Variants in KHDRBS3 observed in about 807,000 individuals in gnomAD.
KHDRBS3 encodes KH domain-containing, RNA-binding, signal transduction-associated protein 3.
A neutral mutation model predicts 45.6 loss-of-function variants in KHDRBS3; 23 were observed. The observed-to-expected ratio is 0.50, with a 90% CI of 0.36 to 0.72. The LOEUF (loss-of-function observed/expected upper bound fraction) is 0.72. Among genes scored for constraint, KHDRBS3 ranks in the 30% least tolerant of loss-of-function variants. KHDRBS3 has a pLI of 0.00. For missense variants in KHDRBS3, 352 were observed against 424.8 expected (o/e 0.83, Z 1.51); for synonymous variants, 162 against 156.5 (o/e 1.04, Z -0.26).
chr8:135,565,225 A>G (rs1470853546), intron 5 of KHDRBS3, among the ~76,000 whole-genome samples: 2 of 152,142 alleles, frequency 1.3e-5, no homozygotes, highest in African/African-American at 2.4e-5. Context: ...AAGCAAGAAC[A>G]TGATTTGATA....
chr8:135,576,206 G>C (rs1179770249), intron 5 of KHDRBS3, among the ~76,000 whole-genome samples: 1 of 152,168 alleles, frequency 6.6e-6, no homozygotes, highest in Non-Finnish European at 1.5e-5. Context: ...TAACGTAGCT[G>C]AGGTCATGCT....
At chr8:135,548,498 T>A (rs929425066) in intron 3 of KHDRBS3, among the ~76,000 whole-genome samples, 9 of 152,068 alleles carry the variant, frequency 5.9e-5, no homozygotes, top group Non-Finnish European at 1.2e-4. Context: ...ATGATGGGGC[T>A]CCTACAAGTC....
intron 5 of KHDRBS3, among the ~76,000 whole-genome samples, chr8:135,570,096 A>G (rs1239491117): frequency 6.6e-6 from 1 of 152,222 alleles, no homozygotes; most frequent in African/African-American, 2.4e-5. Flanking sequence ...TATGTAGACT[A>G]GAAGGCAGAA....
At chr8:135,458,078 G>T in intron 1 of KHDRBS3, 124 bp downstream of exon 1, 1 of 1,397,862 alleles carries the variant, frequency 7.2e-7, no homozygotes, top group Non-Finnish European at 9.3e-7. Context: ...AGGCCCGGGT[G>T]GCCCCCGGGG....
intron 4 of KHDRBS3, among the ~76,000 whole-genome samples, chr8:135,653,262 T>C (rs1831466185): frequency 6.6e-6 from 1 of 152,166 alleles, no homozygotes; most frequent in Non-Finnish European, 1.5e-5. Context: ...AAGAACCATG[T>C]CTTATTGGAC....
chr8:135,577,230 T>C (rs1179908553), intron 5 of KHDRBS3, among the ~76,000 whole-genome samples: 2 of 152,196 alleles, frequency 1.3e-5, no homozygotes, highest in Admixed American at 1.3e-4. Context: ...ACATTCAGCA[T>C]TGCATCCTGA....
chr8:135,478,252 A>G (rs1418676681), intron 1 of KHDRBS3, among the ~76,000 whole-genome samples: 1 of 152,226 alleles, frequency 6.6e-6, no homozygotes, highest in Admixed American at 6.5e-5. Flanking sequence ...TGGCCTCCAG[A>G]ACTGTAAGAT....
intron 1 of KHDRBS3, among the ~76,000 whole-genome samples, chr8:135,492,122 G>A (rs1407125128): frequency 6.6e-6 from 1 of 152,024 alleles, no homozygotes; most frequent in Non-Finnish European, 1.5e-5. Context: ...CTCAAGGAAG[G>A]TATCAAATAG....
chr8:135,531,549 A>G (rs1318193592), intron 2 of KHDRBS3, among the ~76,000 whole-genome samples: 1 of 152,152 alleles, frequency 6.6e-6, no homozygotes, highest in African/African-American at 2.4e-5. Context: ...TGTGGGTCCT[A>G]CTTGCTCTCA....
chr8:135,486,943 T>C (rs1275431759), intron 1 of KHDRBS3, among the ~76,000 whole-genome samples: 1 of 152,206 alleles, frequency 6.6e-6, no homozygotes, highest in Non-Finnish European at 1.5e-5. Flanking sequence ...AGAGGATGGT[T>C]TGAGCTAATG....
chr8:135,471,910 C>A (rs540618863), intron 1 of KHDRBS3, among the ~76,000 whole-genome samples: 13 of 152,140 alleles, frequency 8.5e-5, no homozygotes, highest in Admixed American at 7.2e-4. Flanking sequence ...AGTTCTTTCT[C>A]CAATGAGAAT....
In KHDRBS3 at chr8:135,637,481, C is replaced by T. The variant is rs117608067; in HGVS notation, c.891-7578C>T. 2.9e-4 allele frequency among the ~76,000 whole-genome samples: 44 copies of T among 152,080 alleles called. No homozygotes were observed. In the East Asian group the frequency reaches 8.1e-3, roughly 28 times the overall value. On this transcript the variant is annotated intron_variant, in intron 7 of 8. Coordinates refer to ENST00000355849, the MANE Select transcript of KHDRBS3 (RefSeq NM_006558.3). ...GCTGAAGTCTTAAATTTTATCATGACGATTACAGATAAGATTTTCCTTAAA... is the reference window on the plus strand; with the variant it reads ...GCTGAAGTCTTAAATTTTATCATGATGATTACAGATAAGATTTTCCTTAAA...
intron 1 of KHDRBS3, among the ~76,000 whole-genome samples, chr8:135,487,699 A>G (rs1006386110): frequency 3.9e-5 from 6 of 152,198 alleles, no homozygotes; most frequent in African/African-American, 1.4e-4. Context: ...AATAGCACAT[A>G]CAAAGTCCTG....
intron 1 of KHDRBS3, among the ~76,000 whole-genome samples, chr8:135,460,564 C>A (rs567149424): frequency 2.6e-5 from 4 of 152,320 alleles, no homozygotes; most frequent in Admixed American, 6.5e-5. Context: ...GAATGAAATA[C>A]TTCTCACTTG....
At chr8:135,536,260 T>TA (rs1825749754) in intron 2 of KHDRBS3, among the ~76,000 whole-genome samples, 2 of 132,062 alleles carry the variant, frequency 1.5e-5, no homozygotes, top group Non-Finnish European at 3.3e-5. Flanking sequence ...TTTTTTTTTT[T>TA]TTATTATTGT....
At chr8:135,589,268 C>T (rs1828628973) in intron 6 of KHDRBS3, among the ~76,000 whole-genome samples, 1 of 152,134 alleles carries the variant, frequency 6.6e-6, no homozygotes, top group African/African-American at 2.4e-5. Context: ...ATACTACTTC[C>T]AGTGTACTTT....
At chr8:135,634,054 T>A (rs999632227) in intron 7 of KHDRBS3, among the ~76,000 whole-genome samples, 8 of 152,202 alleles carry the variant, frequency 5.3e-5, no homozygotes, top group Non-Finnish European at 5.9e-5. Context: ...CCTCAACCCC[T>A]GTCAGTTGCT....
intron 7 of KHDRBS3, among the ~76,000 whole-genome samples, chr8:135,636,221 T>G (rs6988957): frequency 0.17 from 25,768 of 152,122 alleles, 3,360 homozygotes; most frequent in East Asian, 0.53. Flanking sequence ...GAGATCACCC[T>G]TGTACTTCAG....
rs34886021 is a variant in KHDRBS3, at chr8:135,485,842, T to TTATATATATATATATA, written c.88+27900_88+27915dup. On this transcript the variant is annotated intron_variant, in intron 1 of 8. Transcript: ENST00000355849. ...TGCAGGATTGATTGGCATTTCAAGTTTATATATATATATATATATATATAT... is the reference window on the plus strand; with the variant it reads ...TGCAGGATTGATTGGCATTTCAAGTTTATATATATATATATATATATATATATATATATATATATAT... 7.1e-3 allele frequency among the ~76,000 whole-genome samples: 848 copies of TTATATATATATATATA among 120,120 alleles called. 33 individuals are homozygous for TTATATATATATATATA. The highest frequency in any genetic ancestry group is 0.022 in the African/African-American group (578 of 26,784). The allele number at this position is 120,120 out of a possible 152,430, so 78.8% of individuals were successfully genotyped here. A position where few individuals can be genotyped will look rare whatever the true frequency, so the allele number is the denominator to read the frequency against.
Sources: gnomAD v4.1 joint callset for allele counts (sites outside exome capture counted in the v4.1 genomes callset) on GRCh38, gnomAD v4.1.1 for gene constraint, MANE v1.5 for transcripts, NCBI Gene and HGNC (gene_info 2026-07-23, HGNC 2026-07-21) for gene names.